The following TSHZ2 variants were observed in gnomAD, a reference collection of about 807,000 sequenced individuals.
The protein encoded by TSHZ2 is teashirt homolog 2.
A neutral mutation model predicts 74.4 loss-of-function variants in TSHZ2; 21 were observed. The observed-to-expected ratio is 0.28, with a 90% CI of 0.20 to 0.41. TSHZ2 has a LOEUF of 0.41. TSHZ2 is among the 10% of genes least tolerant of loss of function. The pLI, the probability that TSHZ2 is intolerant of heterozygous loss-of-function variation, is 1.00. For synonymous variants in TSHZ2, 540 were observed against 515.3 expected, an observed-to-expected ratio of 1.05 and a Z score of -0.65; for missense variants, 1,244 against 1,293.5, an observed-to-expected ratio of 0.96 and a Z score of 0.59.
At chr20:53,191,760 G>A (rs6097292) in intron 1 of TSHZ2, among the ~76,000 whole-genome samples, 6,874 of 152,258 alleles carry the variant, frequency 0.045, 482 homozygotes, top group African/African-American at 0.15. Flanking sequence ...ATTAGGACCT[G>A]TCAAGTACCG....
At chr20:53,229,772 A>C (rs150164950) in intron 1 of TSHZ2, among the ~76,000 whole-genome samples, 1,596 of 143,304 alleles carry the variant, frequency 0.011, 11 homozygotes, top group Non-Finnish European at 0.017. Flanking sequence ...GGGGGAAAGG[A>C]GGGAGAGAGG....
chr20:53,168,540 A>G (rs999264511), intron 1 of TSHZ2: 1 of 152,234 alleles, frequency 6.6e-6, no homozygotes, highest in Non-Finnish European at 1.5e-5. Flanking sequence ...TTGATTGAAT[A>G]TATATGGATT....
chr20:53,333,351 G>A (rs1979803458), intron 2 of TSHZ2, among the ~76,000 whole-genome samples: 2 of 152,072 alleles, frequency 1.3e-5, no homozygotes. Flanking sequence ...GGCCTTTGAA[G>A]AACAATCTAT....
intron 2 of TSHZ2, among the ~76,000 whole-genome samples, chr20:53,307,331 C>G (rs1304821419): frequency 6.6e-6 from 1 of 152,164 alleles, no homozygotes; most frequent in Non-Finnish European, 1.5e-5. Flanking sequence ...AAGAGCTGAC[C>G]CTCTCTCTGA....
intron 1 of TSHZ2, among the ~76,000 whole-genome samples, chr20:53,239,146 A>T (rs1207290669): frequency 6.6e-6 from 1 of 152,224 alleles, no homozygotes; most frequent in Non-Finnish European, 1.5e-5. Flanking sequence ...GTCTCTACCC[A>T]CTAGATGCCA....
chr20:53,462,728 A>C (rs1409058897), intron 2 of TSHZ2, among the ~76,000 whole-genome samples: 6 of 152,222 alleles, frequency 3.9e-5, no homozygotes, highest in East Asian at 3.8e-4. Flanking sequence ...TTTGAGAAAG[A>C]AAGCCTGGTT....
At chr20:53,371,965 G>A (rs1416292157) in intron 2 of TSHZ2, among the ~76,000 whole-genome samples, 5 of 151,580 alleles carry the variant, frequency 3.3e-5, no homozygotes, top group Admixed American at 2.0e-4. Flanking sequence ...TAACTTCCCC[G>A]TGACTCCCAA....
rs1167240982 is a variant in TSHZ2, at chr20:53,493,297, A to G, written c.*6162A>G. On this transcript the variant is annotated 3_prime_UTR_variant, in exon 3 of 3. Transcript: ENST00000371497. Reference sequence around the variant, plus strand: ...TTAGATCTGAGTTTACAAAGAAACTATAAGAACCAAGTTTGTCTGTCTGCA... The same window carrying G: ...TTAGATCTGAGTTTACAAAGAAACTGTAAGAACCAAGTTTGTCTGTCTGCA... 2.0e-5 allele frequency: 3 copies of G among 152,252 alleles called. No individual in the cohort carries two copies. The highest frequency in any genetic ancestry group is 4.4e-5 in the Non-Finnish European group (3 of 68,038). The allele number at this position is 152,252 out of a possible 1,614,324, so 9.4% of individuals were successfully genotyped here. A position where few individuals can be genotyped will look rare whatever the true frequency, so the allele number is the denominator to read the frequency against.
At chr20:53,180,872 G>A (rs1417323725) in intron 1 of TSHZ2, among the ~76,000 whole-genome samples, 2 of 152,112 alleles carry the variant, frequency 1.3e-5, no homozygotes, top group African/African-American at 4.8e-5. Flanking sequence ...CCTAGGAATT[G>A]GAGCTTTTGT....
intron 1 of TSHZ2, among the ~76,000 whole-genome samples, chr20:53,210,226 A>G (rs544146079): frequency 6.6e-6 from 1 of 152,306 alleles, no homozygotes; most frequent in South Asian, 2.1e-4. Context: ...CCATCCACGG[A>G]TGGCTAGAGC....
intron 2 of TSHZ2, among the ~76,000 whole-genome samples, chr20:53,424,971 G>A (rs1302536786): frequency 2.0e-5 from 3 of 152,110 alleles, no homozygotes; most frequent in African/African-American, 7.2e-5. Context: ...ATCATTGATG[G>A]GCATTTGGGT....
At chr20:53,280,693 GT>G (rs200754964) in intron 2 of TSHZ2, among the ~76,000 whole-genome samples, 4 of 146,522 alleles carry the variant, frequency 2.7e-5, no homozygotes, top group East Asian at 2.0e-4. Flanking sequence ...GTGTGTGGGG[GT>G]TTTTTTGTGT....
intron 1 of TSHZ2, among the ~76,000 whole-genome samples, chr20:53,249,862 T>G (rs1990287487): frequency 6.6e-6 from 1 of 152,216 alleles, no homozygotes; most frequent in African/African-American, 2.4e-5. Flanking sequence ...AGGGCTGTCA[T>G]GACCTAATCC....
chr20:53,252,871 A>G (rs570083359), intron 1 of TSHZ2, among the ~76,000 whole-genome samples: 8 of 152,208 alleles, frequency 5.3e-5, no homozygotes, highest in African/African-American at 1.7e-4. Flanking sequence ...TAATTTTTCA[A>G]CTATCAACAG....
intron 1 of TSHZ2, among the ~76,000 whole-genome samples, chr20:53,204,291 TATG>T (rs749861215): frequency 2.0e-4 from 26 of 129,280 alleles, no homozygotes; most frequent in African/African-American, 2.8e-4. Flanking sequence ...AACATGATGA[TATG>T]ATACTATATC....
intron 1 of TSHZ2, among the ~76,000 whole-genome samples, chr20:53,205,015 C>T (rs566017049): frequency 6.0e-5 from 9 of 150,870 alleles, no homozygotes; most frequent in Non-Finnish European, 1.2e-4. Context: ...CACTTGAACC[C>T]GGGAGGCAGA....
intron 2 of TSHZ2, among the ~76,000 whole-genome samples, chr20:53,298,516 A>G (rs1991423596): frequency 6.6e-6 from 1 of 152,200 alleles, no homozygotes. Context: ...GTTTCAGGGA[A>G]AGGCAAAAGG....
chr20:53,415,505 C>G (rs1410432220), intron 2 of TSHZ2, among the ~76,000 whole-genome samples: 1 of 151,962 alleles, frequency 6.6e-6, no homozygotes, highest in Non-Finnish European at 1.5e-5. Flanking sequence ...ACACACACAG[C>G]CTCCTACTCT....
intron 2 of TSHZ2, among the ~76,000 whole-genome samples, chr20:53,332,993 G>C (rs1979787850): frequency 6.6e-6 from 1 of 152,132 alleles, no homozygotes; most frequent in African/African-American, 2.4e-5. Flanking sequence ...TGGTGTGTGT[G>C]ATTCTCTCTC....
Sources: allele counts gnomAD v4.1 joint callset (sites outside exome capture counted in the v4.1 genomes callset), GRCh38; gene constraint gnomAD v4.1.1; transcripts MANE v1.5; gene names NCBI Gene and HGNC (gene_info 2026-07-23, HGNC 2026-07-21).